Variants in MRPL10 observed in about 807,000 individuals in gnomAD.
MRPL10 encodes mitochondrial ribosomal protein L10, also known as large ribosomal subunit protein uL10m.
Under a neutral mutation model 19.8 loss-of-function variants are expected in MRPL10, and 14 were observed. That is an observed-to-expected ratio of 0.71 (90% confidence interval 0.47 to 1.11). MRPL10 has a LOEUF of 1.11. Among genes scored for constraint, MRPL10 ranks in the 50% least tolerant of loss-of-function variants. The probability of loss-of-function intolerance (pLI) is 0.00; values close to 1 mark genes in which losing one functional copy is unlikely to be tolerated. For missense variants in MRPL10, 318 were observed against 339.6 expected (o/e 0.94, Z 0.50); for synonymous variants, 129 against 139.2 (o/e 0.93, Z 0.52).
chr17:47,831,271 C>G, intron 1 of MRPL10, 189 bp downstream of exon 1: 1 of 1,482,392 alleles, frequency 6.7e-7, no homozygotes, highest in Non-Finnish European at 9.0e-7. Context: ...AAAAGAAACG[C>G]TGGAGACAGA....
intron 4 of MRPL10, among the ~76,000 whole-genome samples, chr17:47,825,415 A>G (rs72833438): frequency 0.29 from 44,778 of 151,794 alleles, 7,915 homozygotes; most frequent in Non-Finnish European, 0.41. Flanking sequence ...AATTGCTTGA[A>G]ACTAGCAGTT....
chr17:47,829,775 G>C (rs1384075340), intron 1 of MRPL10: 1 of 152,250 alleles, frequency 6.6e-6, no homozygotes, highest in Admixed American at 6.5e-5. Flanking sequence ...TGTAGTCCCA[G>C]CTACTCAGGT....
chr17:47,827,605 T>G (rs1258661266), intron 2 of MRPL10, among the ~76,000 whole-genome samples: 3 of 152,118 alleles, frequency 2.0e-5, no homozygotes, highest in Non-Finnish European at 4.4e-5. Context: ...AGTTTAAAAT[T>G]GAGAAACTTG....
chr17:47,824,347 G>C lies in MRPL10; in HGVS notation c.644C>G (p.Thr215Arg). 2 of 1,613,442 alleles carry C rather than the reference G, an allele frequency of 1.2e-6. No individual in the cohort carries two copies. The highest frequency in any genetic ancestry group is 2.2e-5 in the South Asian group (2 of 91,042). Reference sequence around the variant, plus strand: ...CTGGAGCAGGGAGTGGGTCTGGGCTGTGAGGCAGGTGAGGCCTCCTACAAG... The same window carrying C: ...CTGGAGCAGGGAGTGGGTCTGGGCTCTGAGGCAGGTGAGGCCTCCTACAAG... Reference protein sequence around the residue: ...GELVGGLTCLTAQTHSLLQHQ... With the variant: ...GELVGGLTCLRAQTHSLLQHQ... The change falls in exon 5 of 5, where the codon ACA becomes AGA. Residue 215 changes from threonine to arginine, a missense_variant. Thr to Arg is a moderately conservative substitution (Grantham distance 71). Coordinates refer to ENST00000351111, the MANE Select transcript of MRPL10 (RefSeq NM_145255.4).
chr17:47,830,000 TTTTG>T (rs879913096), intron 1 of MRPL10, among the ~76,000 whole-genome samples: 6 of 152,200 alleles, frequency 3.9e-5, no homozygotes, highest in Non-Finnish European at 8.8e-5. Flanking sequence ...AAATAGTGTT[TTTTG>T]TTTGTTTTGT....
chr17:47,828,319 G>A (rs1362477004), intron 2 of MRPL10, 182 bp downstream of exon 2: 1 of 450,354 alleles, frequency 2.2e-6, no homozygotes. Context: ...CCAATCCAGA[G>A]CCCAAAAGCC....
rs200172820 is a variant in MRPL10 at position 47,824,409 on chromosome 17, G to A, written c.582C>T (p.Tyr194=). The A allele has an allele frequency of 3.8e-6, 6 of 1,588,656 alleles. No homozygotes were observed. Among genetic ancestry groups the A allele is most frequent in the African/African-American group, 1.3e-5 (1 of 74,284 alleles). Residue 194 remains tyrosine, a synonymous_variant, in exon 5 of 5, where the codon TAC becomes TAT. Transcript: ENST00000351111. Reference sequence around the variant, plus strand: ...CCAGGGGCAGGCTGGGGAGCTTGGAGTAGTTGATAAAGCCCTGCCTGCTGA... The same window carrying A: ...CCAGGGGCAGGCTGGGGAGCTTGGAATAGTTGATAAAGCCCTGCCTGCTGA... ...TILSRQGFIN[Y]SKLPSLPLVQ... is the part of the protein sequence containing the mutation.
chr17:47,831,217 G>T, intron 1 of MRPL10: 1 of 1,021,874 alleles, frequency 9.8e-7, no homozygotes, highest in Non-Finnish European at 1.4e-6. Context: ...GACACATTAA[G>T]ATGGAGACAT....
In MRPL10 at chr17:47,828,666, C is replaced by T; in HGVS notation, c.57G>A (p.Arg19=). Residue 19 remains arginine (R), a synonymous_variant, in exon 2 of 5, where the codon CGG becomes CGA. Coordinates refer to ENST00000351111, the MANE Select transcript of MRPL10 (RefSeq NM_145255.4). ...AGCGGACAGTCTGGAGGGTAGGCAG[C>T]CGGCCTGGGAGGGCATATAGCAACA... ...LRGGLLPQAG[R]LPTLQTVRYG... 6.6e-7 allele frequency: 1 copy of T among 1,512,998 alleles called. No homozygotes were observed. The highest frequency in any genetic ancestry group is 8.8e-7 in the Non-Finnish European group (1 of 1,142,208). 93.7% of individuals were successfully genotyped at this position (1,512,998 alleles called of 1,614,324 possible). A position where few individuals can be genotyped will look rare whatever the true frequency, so the allele number is the denominator to read the frequency against.
At chr17:47,827,408 G>T (rs1377683765) in intron 2 of MRPL10, among the ~76,000 whole-genome samples, 1 of 152,092 alleles carries the variant, frequency 6.6e-6, no homozygotes, top group Non-Finnish European at 1.5e-5. Flanking sequence ...TTAGATAATT[G>T]CAGTCTTTAG....
chr17:47,828,765 G>T, intron 1 of MRPL10, 95 bp from the exon 2 acceptor site: 1 of 1,020,860 alleles, frequency 9.8e-7, no homozygotes, highest in Non-Finnish European at 1.3e-6. Context: ...GCAGAGAAAA[G>T]CACAGCTCAC....
At chr17:47,830,359 G>A (rs2033607943) in intron 1 of MRPL10, among the ~76,000 whole-genome samples, 1 of 152,216 alleles carries the variant, frequency 6.6e-6, no homozygotes, top group Non-Finnish European at 1.5e-5. Context: ...TTCCAAGACT[G>A]GGATGTGACC....
chr17:47,831,531 G>A lies in MRPL10; in HGVS notation c.-20C>T, dbSNP rs1175510483. The A allele has an allele frequency of 1.3e-6, 2 of 1,548,370 alleles. No individual in the cohort carries two copies. The highest frequency in any genetic ancestry group is 1.7e-6 in the Non-Finnish European group (2 of 1,145,584). On this transcript the variant is annotated 5_prime_UTR_variant, in exon 1 of 5. Coordinates refer to ENST00000351111, the MANE Select transcript of MRPL10 (RefSeq NM_145255.4). ...AGCCATCTCCACCGGAAGAATGGAC[G>A]GAAGCCGAGTGGAGACGGAAAGAGC...
chr17:47,826,754 T>C lies in MRPL10; in HGVS notation c.415A>G (p.Lys139Glu), dbSNP rs2033540155. 2 of 1,614,100 alleles carry C rather than the reference T, an allele frequency of 1.2e-6. No homozygotes were observed. The highest frequency in any genetic ancestry group is 1.7e-6 in the Non-Finnish European group (2 of 1,180,056). ...AAAAGGGGCAGCAGATTTTGGTACT[T>C]GGAATCCTCCAGGAAGGGCTTCAGG... ...QVLKPFLEDS[K>E]YQNLLPLFVG... The change falls in exon 4 of 5, where the codon AAG (lysine) becomes GAG (glutamate). Residue 139 changes from lysine (K) to glutamate (E), a missense_variant. Physicochemically the swap from Lys to Glu is moderately conservative, Grantham distance 56. Transcript: ENST00000351111.
In MRPL10 at chr17:47,823,409, G is replaced by A. The variant is rs1217710635; in HGVS notation, c.*796C>T. ...AAAGTCAGATGACAGAGAAGCCCCT[G>A]AGAGTAAGTTTAGAGGGAGGACAAC... On this transcript the variant is annotated 3_prime_UTR_variant, in exon 5 of 5. Transcript: ENST00000351111. 9 of 125,284 alleles carry A rather than the reference G, an allele frequency of 7.2e-5. No individual in the cohort carries two copies. In the East Asian group the frequency reaches 1.7e-3, roughly 24 times the overall value. 7.8% of individuals were successfully genotyped at this position (125,284 alleles called of 1,614,324 possible).
chr17:47,828,203 C>CA (rs1227038872), intron 2 of MRPL10: 8,404 of 164,522 alleles, frequency 0.051, 217 homozygotes, highest in African/African-American at 0.11. Flanking sequence ...TACTCCATCT[C>CA]AAAAAAAAAA....
intron 2 of MRPL10, 74 bp from the exon 3 acceptor site, chr17:47,827,278 G>C (rs930192147): frequency 7.4e-7 from 1 of 1,360,294 alleles, no homozygotes; most frequent in African/African-American, 1.5e-5. Context: ...CTCTGTGGTA[G>C]GTTCTAGGGC....
intron 2 of MRPL10, chr17:47,828,256 G>T: frequency 2.7e-6 from 1 of 366,876 alleles, no homozygotes; most frequent in East Asian, 4.1e-5. Context: ...ACCTGCTAGG[G>T]TAGCTCTCAC....
At chr17:47,827,348 A>T in intron 2 of MRPL10, 144 bp from the exon 3 acceptor site, 1 of 618,900 alleles carries the variant, frequency 1.6e-6, no homozygotes, top group Non-Finnish European at 2.8e-6. Context: ...TGGGCCTCTG[A>T]CTCTCAGAGA....
Sources: gnomAD v4.1 joint callset for allele counts (sites outside exome capture counted in the v4.1 genomes callset) on GRCh38, gnomAD v4.1.1 for gene constraint, MANE v1.5 for transcripts, NCBI Gene and HGNC (gene_info 2026-07-23, HGNC 2026-07-21) for gene names.